GPR55: variants seen among roughly 807,000 people sequenced by gnomAD.
GPR55 encodes the protein G-protein coupled receptor 55.
GPR55 carries 6 observed loss-of-function variants against 7.9 expected under a neutral mutation model. The ratio of observed to expected loss-of-function variants is 0.76; its 90% CI spans 0.41 to 1.49. The LOEUF is 1.49. GPR55 is among the 40% of genes most tolerant of loss of function. The pLI, the probability that GPR55 is intolerant of heterozygous loss-of-function variation, is 0.01. For synonymous variants in GPR55, 183 were observed against 166.8 expected, an observed-to-expected ratio of 1.10 and a Z score of -0.75; for missense variants, 376 against 406.0, an observed-to-expected ratio of 0.93 and a Z score of 0.63.
At chr2:230,929,073 C>T (rs180796084), upstream of GPR55, among the ~76,000 whole-genome samples, 18 of 152,242 alleles carry the variant, frequency 1.2e-4, no homozygotes, top group East Asian at 2.7e-3. Context: ...AGGCTGGTCT[C>T]GGACTCCTGG....
chr2:230,954,354 G>A (rs544270962), intron 1 of GPR55, among the ~76,000 whole-genome samples: 3 of 152,352 alleles, frequency 2.0e-5, no homozygotes, highest in East Asian at 1.9e-4. Context: ...TCCTGAAGAG[G>A]ACTCGGCTTA....
intron 1 of GPR55, among the ~76,000 whole-genome samples, chr2:230,951,114 G>A (rs994009878): frequency 6.6e-5 from 10 of 152,170 alleles, no homozygotes; most frequent in African/African-American, 9.7e-5. Context: ...CAAAGAGGGC[G>A]TTGTGGGAAC....
At chr2:230,929,743 A>T (rs1691002784), upstream of GPR55, 1 of 152,198 alleles carries the variant, frequency 6.6e-6, no homozygotes, top group Admixed American at 6.5e-5. Flanking sequence ...CGGCATCCAG[A>T]GGAGGCCCTT....
intron 1 of GPR55, among the ~76,000 whole-genome samples, chr2:230,918,649 A>G (rs1453020638): frequency 6.6e-6 from 1 of 152,178 alleles, no homozygotes; most frequent in Non-Finnish European, 1.5e-5. Flanking sequence ...ATATATGCAA[A>G]CATCCTAATT....
intron 1 of GPR55, among the ~76,000 whole-genome samples, chr2:230,940,149 C>T (rs573376892): frequency 6.6e-6 from 1 of 152,098 alleles, no homozygotes; most frequent in South Asian, 2.1e-4. Flanking sequence ...CAGGGGCAGG[C>T]GGGAGGCCCT....
At position 230,909,249 on chromosome 2, in the gene GPR55, G is replaced by A. The variant is rs1265540783; in HGVS notation, c.*754C>T. 1 of 152,490 alleles carries A rather than the reference G, an allele frequency of 6.6e-6. No individual in the cohort carries two copies. Among genetic ancestry groups the A allele is most frequent in the Non-Finnish European group, 1.5e-5 (1 of 68,320 alleles). 9.4% of individuals were successfully genotyped at this position (152,490 alleles called of 1,614,324 possible). A position where few individuals can be genotyped will look rare whatever the true frequency, so the allele number is the denominator to read the frequency against. ...GAGGGGCTGTGTGCTTCCAGCCCTG[G>A]GCCTGTCTTCTTCCTTCCCCAGAAG... On this transcript the variant is annotated 3_prime_UTR_variant, in exon 2 of 2. Coordinates refer to ENST00000650999, the MANE Select transcript of GPR55 (RefSeq NM_005683.4).
rs372730420 is a variant in GPR55 at position 230,934,350 on chromosome 2, G to A, written c.-134-23254C>T. On this transcript the variant is annotated intron_variant, in intron 1 of 1. Transcript: ENST00000392039. ...TACTGATTCCAGGTTTCTGGTCCCC[G>A]GCCTCTCTCCGACCCCAGCACAGCT... Among the ~76,000 whole-genome samples, 8 of 152,296 alleles carry A rather than the reference G, an allele frequency of 5.3e-5. No homozygotes were observed. In the East Asian group the frequency reaches 5.8e-4, roughly 11 times the overall value.
intron 1 of GPR55, among the ~76,000 whole-genome samples, chr2:230,948,597 A>G (rs1287831111): frequency 2.0e-5 from 3 of 152,162 alleles, no homozygotes; most frequent in African/African-American, 4.8e-5. Context: ...AGAGTCAGTT[A>G]TATAATTCGG....
At chr2:230,917,574 A>G (rs894593065) in intron 1 of GPR55, among the ~76,000 whole-genome samples, 1 of 152,134 alleles carries the variant, frequency 6.6e-6, no homozygotes, top group African/African-American at 2.4e-5. Flanking sequence ...TTGGGAGGCA[A>G]AGGAGGGAGG....
intron 1 of GPR55, among the ~76,000 whole-genome samples, chr2:230,919,886 A>T (rs1189964281): frequency 6.6e-6 from 1 of 151,976 alleles, no homozygotes; most frequent in Non-Finnish European, 1.5e-5. Context: ...TGTTATGTTT[A>T]TGCTGACTAT....
intron 1 of GPR55, among the ~76,000 whole-genome samples, chr2:230,951,240 C>T (rs1465241669): frequency 1.3e-5 from 2 of 152,090 alleles, no homozygotes; most frequent in Admixed American, 1.3e-4. Context: ...TCCAGGTAGA[C>T]AGTGTTGGAA....
chr2:230,935,548 C>T (rs141849482), intron 1 of GPR55, among the ~76,000 whole-genome samples: 9 of 152,250 alleles, frequency 5.9e-5, no homozygotes, highest in Non-Finnish European at 1.0e-4. Context: ...CAGAACTGTG[C>T]GCACCCATCC....
intron 1 of GPR55, among the ~76,000 whole-genome samples, chr2:230,947,849 G>C (rs1691343670): frequency 1.3e-5 from 2 of 150,798 alleles, no homozygotes; most frequent in Non-Finnish European, 2.9e-5. Context: ...TTCAGCTGGT[G>C]CCCCCCCTCC....
chr2:230,915,083 C>A (rs1383740276), intron 1 of GPR55, among the ~76,000 whole-genome samples: 1 of 152,244 alleles, frequency 6.6e-6, no homozygotes, highest in African/African-American at 2.4e-5. Context: ...CCGCAGAAAT[C>A]GCCCCAGGCT....
At chr2:230,917,940 A>T (rs1048571624) in intron 1 of GPR55, among the ~76,000 whole-genome samples, 11 of 152,206 alleles carry the variant, frequency 7.2e-5, no homozygotes, top group African/African-American at 2.4e-4. Context: ...TTAAAAAAAA[A>T]AAAATTCACA....
Position 230,937,711 on chromosome 2 carries a change from A to G in GPR55, c.-135+23064T>C, listed in dbSNP as rs916965329. On this transcript the variant is annotated intron_variant, in intron 1 of 1. Coordinates refer to the GPR55 transcript ENST00000392039. ...TTGGGGTAAAAATGTAAACCATAGA[A>G]AAAAGTCTTGCCCTGGCTCATTCAA... Among the ~76,000 whole-genome samples, 8 of 152,064 alleles carry G rather than the reference A, an allele frequency of 5.3e-5. No individual in the cohort carries two copies. The East Asian group carries it at 1.5e-3, about 29-fold the overall frequency.
At chr2:230,945,823 C>CA (rs1417532247) in intron 1 of GPR55, among the ~76,000 whole-genome samples, 1 of 152,148 alleles carries the variant, frequency 6.6e-6, no homozygotes, top group African/African-American at 2.4e-5. Flanking sequence ...CCGTCCGCCT[C>CA]GCCTCCCAAA....
intron 1 of GPR55, among the ~76,000 whole-genome samples, chr2:230,936,394 C>T (rs1200868425): frequency 6.6e-6 from 1 of 152,168 alleles, no homozygotes; most frequent in Admixed American, 6.5e-5. Flanking sequence ...AGTGAGTTCT[C>T]ATGAGATCTG....
chr2:230,913,845 G>T (rs901672986), intron 1 of GPR55, among the ~76,000 whole-genome samples: 20 of 152,308 alleles, frequency 1.3e-4, no homozygotes, highest in Non-Finnish European at 2.8e-4. Flanking sequence ...GAATTGGCTT[G>T]GAGAAGTTGT....
Sources: gnomAD v4.1 joint callset for allele counts (sites outside exome capture counted in the v4.1 genomes callset) on GRCh38, gnomAD v4.1.1 for gene constraint, MANE v1.5 for transcripts, NCBI Gene and HGNC (gene_info 2026-07-23, HGNC 2026-07-21) for gene names.